The following UNG variants were observed in gnomAD, a reference collection of about 807,000 sequenced individuals.
The protein encoded by UNG is uracil-DNA glycosylase.
A neutral mutation model predicts 36.5 loss-of-function variants in UNG; 34 were observed. The observed-to-expected ratio is 0.93, with a 90% CI of 0.71 to 1.24. The LOEUF is 1.24. Ranked by LOEUF, UNG falls within the 50% of genes most tolerant of loss-of-function variation. UNG has a pLI of 0.00. For missense variants in UNG, 391 were observed against 397.6 expected (o/e 0.98, Z 0.14); for synonymous variants, 172 against 157.8 (o/e 1.09, Z -0.67).
chr12:109,101,594 C>CAGCT (rs2042177296), intron 3 of UNG, among the ~76,000 whole-genome samples: 2 of 152,112 alleles, frequency 1.3e-5, no homozygotes, highest in South Asian at 4.2e-4. Context: ...CCTGTGGGCC[C>CAGCT]AGCTACTCTG....
At chr12:109,108,646 T>TA (rs755239420) in intron 6 of UNG, among the ~76,000 whole-genome samples, 6 of 150,768 alleles carry the variant, frequency 4.0e-5, no homozygotes, top group South Asian at 4.2e-4. Context: ...AATAAAAAAT[T>TA]AAAAAAAAAG....
intron 1 of UNG, chr12:109,098,219 G>A: frequency 6.8e-7 from 1 of 1,462,788 alleles, no homozygotes; most frequent in Non-Finnish European, 9.0e-7. Flanking sequence ...GCCATAGGGC[G>A]CCTCCCAGCC....
rs756984182 is a variant in UNG, at chr12:109,098,322, C to T, written c.133-110C>T. ...TGTCCGCTTTTGCTGGGACCTGTTC[C>T]ACAAATGGGCGTCTTCTGCCTTGGG... On this transcript the variant is annotated intron_variant, in intron 1 of 6. Coordinates refer to ENST00000242576, the MANE Select transcript of UNG (RefSeq NM_080911.3). 1.7e-5 allele frequency: 27 copies of T among 1,598,140 alleles called. No individual in the cohort carries two copies. The highest frequency in any genetic ancestry group is 4.5e-5 in the East Asian group (2 of 44,618).
At chr12:109,098,164 G>C in intron 1 of UNG, 2 of 1,399,150 alleles carry the variant, frequency 1.4e-6, no homozygotes, top group Non-Finnish European at 1.8e-6. Flanking sequence ...CGGGGGCGGG[G>C]CACCTCTGTG....
In UNG at chr12:109,098,548, C is replaced by G. The variant is rs1165286696; in HGVS notation, c.249C>G (p.Leu83=). ...RIQRNKAAAL[L]RLAARNVPVG... ...AGAGGAACAAGGCCGCGGCCCTGCT[C>G]AGACTCGCGGCCCGCAACGTGCCCG... Residue 83 remains leucine, a synonymous_variant, in exon 2 of 7, where the codon CTC becomes CTG. Transcript: ENST00000242576. The G allele has an allele frequency of 6.2e-7, 1 of 1,613,236 alleles. No homozygotes were observed.
At position 109,103,415 on chromosome 12, in the gene UNG, T is replaced by C; in HGVS notation, c.623-18T>C. The C allele has an allele frequency of 1.2e-6, 2 of 1,613,562 alleles. No homozygotes were observed. Among genetic ancestry groups the C allele is most frequent in the Non-Finnish European group, 1.7e-6 (2 of 1,179,540 alleles). On this transcript the variant is annotated intron_variant, in intron 5 of 6. Coordinates refer to ENST00000242576, the MANE Select transcript of UNG (RefSeq NM_080911.3). ...TTTGCCTGAGCCTACATTTAACCTG[T>C]TTCTCTCATGTGTATAGGTGTTCTC...
At chr12:109,105,746 G>A (rs1436474812) in intron 6 of UNG, among the ~76,000 whole-genome samples, 2 of 152,088 alleles carry the variant, frequency 1.3e-5, no homozygotes, top group Non-Finnish European at 2.9e-5. Context: ...TTCCCAGTCA[G>A]TCAGTCATTC....
In UNG at chr12:109,102,947, A is replaced by AT. The variant is rs386377711; in HGVS notation, c.622+42dup. 0.078 allele frequency: 73,911 copies of AT among 952,038 alleles called. 316 individuals are homozygous for AT. Among genetic ancestry groups the AT allele is most frequent in the Non-Finnish European group, 0.081 (53,763 of 661,210 alleles). 59.0% of individuals were successfully genotyped at this position (952,038 alleles called of 1,614,324 possible). ...AGCAAGGTAAGCCAGCGACTGCTAG[A>AT]TTTTTTTTTTTTTTTTTTTTTTGAG... On this transcript the variant is annotated intron_variant, in intron 5 of 6. Coordinates refer to ENST00000242576, the MANE Select transcript of UNG (RefSeq NM_080911.3).
rs1400986223 is a variant in UNG, at chr12:109,109,853, G to T, written c.826G>T (p.Ala276Ser). ...DRKRHHVLQT[A>S]HPSPLSVYRG... ...GAAGCGGCACCATGTACTACAGACG[G>T]CTCATCCCTCCCCTTTGTCAGTGTA... Residue 276 changes from alanine to serine, a missense_variant, in exon 7 of 7, where the codon GCT becomes TCT. By Grantham distance (99) the Ala-to-Ser change is moderately conservative. Transcript: ENST00000242576. 2 of 1,613,978 alleles carry T rather than the reference G, an allele frequency of 1.2e-6. No individual in the cohort carries two copies. The highest frequency in any genetic ancestry group is 3.3e-5 in the Admixed American group (2 of 60,002).
At chr12:109,098,222 T>C in intron 1 of UNG, 1 of 1,471,036 alleles carries the variant, frequency 6.8e-7, no homozygotes, top group Non-Finnish European at 9.0e-7. Flanking sequence ...ATAGGGCGCC[T>C]CCCAGCCCGT....
chr12:109,098,141 G>C, intron 1 of UNG: 14 of 1,388,210 alleles, frequency 1.0e-5, no homozygotes, highest in Non-Finnish European at 1.3e-5. Flanking sequence ...GGGACGCGGT[G>C]GGGCGGGTCT....
Position 109,099,207 on chromosome 12 carries a change from G to C in UNG, c.358G>C (p.Glu120Gln). The part of the protein sequence containing the change: ...YFIKLMGFVA[E>Q]ERKHYTVYPP... The stretch of plus-strand genomic sequence containing the variant: ...AAATCAGCTAATGGGATTTGTTGCA[G>C]AAGAAAGAAAGCATTACACTGTTTA... The change falls in exon 3 of 7, where the codon GAA (glutamate) becomes CAA (glutamine). Residue 120 changes from glutamate (E) to glutamine (Q), a missense_variant. Transcript: ENST00000242576. The C allele has an allele frequency of 6.2e-7, 1 of 1,613,582 alleles. No individual in the cohort carries two copies. The highest frequency in any genetic ancestry group is 8.5e-7 in the Non-Finnish European group (1 of 1,180,000).
intron 3 of UNG, among the ~76,000 whole-genome samples, chr12:109,101,036 C>T (rs1367730247): frequency 6.8e-6 from 1 of 147,214 alleles, no homozygotes; most frequent in Non-Finnish European, 1.5e-5. Flanking sequence ...TCATTCTCTT[C>T]TGGCTCCACC....
chr12:109,107,285 C>A (rs2042224878), intron 6 of UNG, among the ~76,000 whole-genome samples: 1 of 152,126 alleles, frequency 6.6e-6, no homozygotes, highest in African/African-American at 2.4e-5. Flanking sequence ...ACTGCGGCCT[C>A]AACCTCCCAG....
At chr12:109,097,918 G>C (rs578115571) in intron 1 of UNG, 107 bp downstream of exon 1, 4 of 1,379,314 alleles carry the variant, frequency 2.9e-6, no homozygotes, top group Non-Finnish European at 3.8e-6. Context: ...GTAAACCCGG[G>C]CTCCGCTTTC....
intron 6 of UNG, among the ~76,000 whole-genome samples, chr12:109,105,406 C>T (rs1396732241): frequency 3.3e-5 from 5 of 152,182 alleles, no homozygotes; most frequent in Non-Finnish European, 7.3e-5. Context: ...CAGTGTTGCT[C>T]TTCCGCAGTA....
chr12:109,102,943 C>CTT lies in UNG; in HGVS notation c.622+17_622+18insTT. 9.1e-6 allele frequency: 12 copies of CTT among 1,322,868 alleles called. No individual in the cohort carries two copies. The highest frequency in any genetic ancestry group is 1.2e-5 in the Non-Finnish European group (11 of 932,108). 81.9% of individuals were successfully genotyped at this position (1,322,868 alleles called of 1,614,324 possible). A position where few individuals can be genotyped will look rare whatever the true frequency, so the allele number is the denominator to read the frequency against. Reference sequence around the variant, plus strand: ...GCCAAGCAAGGTAAGCCAGCGACTGCTAGATTTTTTTTTTTTTTTTTTTTT... The same window carrying CTT: ...GCCAAGCAAGGTAAGCCAGCGACTGCTTTAGATTTTTTTTTTTTTTTTTTTTT... On this transcript the variant is annotated intron_variant, in intron 5 of 6. Transcript: ENST00000242576.
chr12:109,109,784 T>C, intron 6 of UNG, 45 bp from the exon 7 acceptor site: 2 of 1,496,388 alleles, frequency 1.3e-6, no homozygotes, highest in Non-Finnish European at 1.8e-6. Context: ...AAAAAAAATT[T>C]AAAAAGTCCC....
rs959032181 is a variant in UNG at position 109,110,920 on chromosome 12, A to G, written c.*951A>G. 6.6e-6 allele frequency: 1 copy of G among 151,948 alleles called. No individual in the cohort carries two copies. The highest frequency in any genetic ancestry group is 1.5e-5 in the Non-Finnish European group (1 of 68,004). 9.4% of individuals were successfully genotyped at this position (151,948 alleles called of 1,614,324 possible). On this transcript the variant is annotated 3_prime_UTR_variant, in exon 7 of 7. Transcript: ENST00000242576. ...ACCTCCATCCTTGATCTTGTTAGCAATGCTGTTTTTGCTGTTAGTCGGGTT... is the reference window on the plus strand; with the variant it reads ...ACCTCCATCCTTGATCTTGTTAGCAGTGCTGTTTTTGCTGTTAGTCGGGTT...
Sources: gnomAD v4.1 joint callset for allele counts (sites outside exome capture counted in the v4.1 genomes callset) on GRCh38, gnomAD v4.1.1 for gene constraint, MANE v1.5 for transcripts, NCBI Gene and HGNC (gene_info 2026-07-23, HGNC 2026-07-21) for gene names.